Variants in CCDC178 observed in about 807,000 individuals in gnomAD.
CCDC178 encodes the protein coiled-coil domain-containing protein 178.
Under a neutral mutation model 117.4 loss-of-function variants are expected in CCDC178, and 126 were observed. The ratio of observed to expected loss-of-function variants is 1.07; its 90% CI spans 0.93 to 1.24. CCDC178 has a LOEUF of 1.24. Ranked by LOEUF, CCDC178 falls within the 50% of genes most tolerant of loss-of-function variation. CCDC178 has a pLI of 0.00. For missense variants in CCDC178, 1,030 were observed against 986.9 expected, an observed-to-expected ratio of 1.04 and a Z score of -0.59; for synonymous variants, 283 against 313.4, an observed-to-expected ratio of 0.90 and a Z score of 1.02.
intron 8 of CCDC178, among the ~76,000 whole-genome samples, chr18:33,347,461 C>T (rs1429583580): frequency 2.0e-5 from 3 of 152,210 alleles, no homozygotes; most frequent in African/African-American, 4.8e-5. Flanking sequence ...CTTATAAAAC[C>T]GGTTTCCCTA....
At chr18:32,980,358 C>A (rs2055124059) in intron 21 of CCDC178, among the ~76,000 whole-genome samples, 1 of 151,460 alleles carries the variant, frequency 6.6e-6, no homozygotes, top group Non-Finnish European at 1.5e-5. Context: ...CCGAGGCGGG[C>A]GGATCACGAG....
At chr18:33,042,681 T>C (rs574866464) in intron 21 of CCDC178, among the ~76,000 whole-genome samples, 62 of 152,032 alleles carry the variant, frequency 4.1e-4, no homozygotes, top group Middle Eastern at 3.4e-3. Flanking sequence ...GGTTACTAGG[T>C]GAATTTTACT....
In CCDC178 at chr18:32,964,909, C is replaced by T. The variant is rs140368831; in HGVS notation, c.2523+9638G>A. Among the ~76,000 whole-genome samples the T allele has an allele frequency of 4.2e-3, 633 of 151,936 alleles. 6 individuals carry two copies. Among genetic ancestry groups the T allele is most frequent in the African/African-American group, 0.014 (583 of 41,472 alleles). On this transcript the variant is annotated intron_variant, in intron 22 of 22. Transcript: ENST00000383096. ...CATCTTTCCTGTCCTTTCATATGCC[C>T]CCCTCTCTATTTTGTTTTTCTCATT...
chr18:33,285,332 G>A (rs892555764), intron 12 of CCDC178, among the ~76,000 whole-genome samples: 3 of 151,776 alleles, frequency 2.0e-5, no homozygotes, highest in African/African-American at 7.3e-5. Context: ...TAAAACAGTG[G>A]CCCATGAAAA....
At chr18:32,958,107 C>T (rs542795478) in intron 22 of CCDC178, 59 of 430,606 alleles carry the variant, frequency 1.4e-4, no homozygotes, top group African/African-American at 1.1e-3. Flanking sequence ...ATTATTGATG[C>T]TACACACTAA....
chr18:33,077,132 T>C (rs998592089), intron 21 of CCDC178, among the ~76,000 whole-genome samples: 2 of 152,206 alleles, frequency 1.3e-5, no homozygotes, highest in African/African-American at 2.4e-5. Flanking sequence ...ATATTTATAA[T>C]TGAAATACTT....
chr18:32,939,984 A>C (rs1262182068), intron 22 of CCDC178, among the ~76,000 whole-genome samples: 1 of 152,186 alleles, frequency 6.6e-6, no homozygotes, highest in Non-Finnish European at 1.5e-5. Flanking sequence ...TGTAATTTGC[A>C]TAATAAAATG....
chr18:33,356,023 T>A (rs2063051317), intron 7 of CCDC178, among the ~76,000 whole-genome samples: 3 of 152,150 alleles, frequency 2.0e-5, no homozygotes, highest in Admixed American at 6.5e-5. Flanking sequence ...TTCATTGAAT[T>A]TTCCCCTAGT....
chr18:33,359,107 A>G (rs2063094179), intron 6 of CCDC178, among the ~76,000 whole-genome samples: 1 of 151,848 alleles, frequency 6.6e-6, no homozygotes, highest in African/African-American at 2.4e-5. Context: ...TTGAAGTATC[A>G]CAAGAGAGTC....
At chr18:32,945,361 G>C (rs1288711845) in intron 22 of CCDC178, among the ~76,000 whole-genome samples, 1 of 152,130 alleles carries the variant, frequency 6.6e-6, no homozygotes, top group Non-Finnish European at 1.5e-5. Context: ...TCAATTATTT[G>C]TCTGATTTAC....
intron 11 of CCDC178, among the ~76,000 whole-genome samples, chr18:33,315,784 C>G (rs35455782): frequency 0.028 from 4,228 of 152,232 alleles, 96 homozygotes; most frequent in Non-Finnish European, 0.038. Flanking sequence ...AGGGAACAAA[C>G]TAATAATGTT....
chr18:33,050,023 G>A (rs550194973), intron 21 of CCDC178, among the ~76,000 whole-genome samples: 13 of 152,230 alleles, frequency 8.5e-5, no homozygotes, highest in Admixed American at 6.5e-4. Flanking sequence ...GGAGTTTGCC[G>A]TGATCTGAGA....
intron 20 of CCDC178, among the ~76,000 whole-genome samples, chr18:33,123,632 T>C (rs1399358639): frequency 1.3e-5 from 2 of 152,194 alleles, no homozygotes; most frequent in Non-Finnish European, 2.9e-5. Context: ...ACCAATTTTC[T>C]TCAAATAAGG....
chr18:33,278,814 T>A (rs1404925823), intron 12 of CCDC178, among the ~76,000 whole-genome samples: 1 of 152,106 alleles, frequency 6.6e-6, no homozygotes, highest in African/African-American at 2.4e-5. Context: ...CGCAAATCAA[T>A]AAATGTAATC....
chr18:33,275,471 T>C (rs2059937073), intron 12 of CCDC178, among the ~76,000 whole-genome samples: 1 of 151,592 alleles, frequency 6.6e-6, no homozygotes, highest in East Asian at 2.0e-4. Flanking sequence ...AGTTAAATAA[T>C]TGAATACATT....
intron 20 of CCDC178, among the ~76,000 whole-genome samples, chr18:33,161,194 A>T (rs942751544): frequency 1.2e-4 from 19 of 152,160 alleles, no homozygotes; most frequent in Non-Finnish European, 7.4e-5. Context: ...GAGTTAAATT[A>T]TCTATAGACC....
chr18:33,260,056 T>C (rs887196832), intron 14 of CCDC178, among the ~76,000 whole-genome samples: 99 of 151,278 alleles, frequency 6.5e-4, no homozygotes, highest in African/African-American at 2.2e-3. Context: ...AAAATACACA[T>C]ATATATATAT....
At chr18:33,059,932 T>C (rs2056895651) in intron 21 of CCDC178, among the ~76,000 whole-genome samples, 1 of 152,172 alleles carries the variant, frequency 6.6e-6, no homozygotes, top group Non-Finnish European at 1.5e-5. Flanking sequence ...TATGTAAGTC[T>C]CCATGTCTTT....
In CCDC178 at chr18:33,211,935, C is replaced by T; in HGVS notation, c.2199G>A (p.Val733=). The part of the protein sequence containing the change: ...RIFEEDQRFR[V]LLAVRQKTLQ... ...GAGTTTTTTGTCTTACAGCAAGGAG[C>T]ACTCTAAATCTCTGATCTTCCTCAA... The change falls in exon 20 of 23, where the codon GTG becomes GTA. Residue 733 remains valine, a synonymous_variant. Coordinates refer to ENST00000383096, the MANE Select transcript of CCDC178 (RefSeq NM_001105528.4). 6.2e-7 allele frequency: 1 copy of T among 1,608,098 alleles called. No individual in the cohort carries two copies. The highest frequency in any genetic ancestry group is 8.5e-7 in the Non-Finnish European group (1 of 1,177,640).
Sources: gnomAD v4.1 joint callset for allele counts (sites outside exome capture counted in the v4.1 genomes callset) on GRCh38, gnomAD v4.1.1 for gene constraint, MANE v1.5 for transcripts, NCBI Gene and HGNC (gene_info 2026-07-23, HGNC 2026-07-21) for gene names.